Variants in MICU1 observed in about 807,000 individuals in gnomAD.
MICU1 encodes calcium uptake protein 1, mitochondrial.
MICU1 carries 45 observed loss-of-function variants against 56.8 expected under a neutral mutation model. That is an observed-to-expected ratio of 0.79 (90% CI 0.62 to 1.02). The LOEUF is 1.02. Ranked by LOEUF, MICU1 falls within the 50% of genes least tolerant of loss-of-function variation. The pLI, the probability that MICU1 is intolerant of heterozygous loss-of-function variation, is 0.00. For synonymous variants in MICU1, 186 were observed against 195.1 expected (o/e 0.95, Z 0.39); for missense variants, 504 against 587.1 (o/e 0.86, Z 1.46).
At chr10:72,396,425 C>T (rs546971435) in intron 10 of MICU1, among the ~76,000 whole-genome samples, 4 of 151,906 alleles carry the variant, frequency 2.6e-5, no homozygotes, top group East Asian at 1.9e-4. Flanking sequence ...CAAAGCTAGA[C>T]GGAGAATGAC....
intron 5 of MICU1, among the ~76,000 whole-genome samples, chr10:72,512,437 C>A (rs550159819): frequency 6.6e-6 from 1 of 152,218 alleles, no homozygotes; most frequent in African/African-American, 2.4e-5. Flanking sequence ...CCATACTTAA[C>A]TCCCAAATAA....
chr10:72,620,390 T>C (rs762623101), intron 1 of MICU1, among the ~76,000 whole-genome samples: 5 of 152,074 alleles, frequency 3.3e-5, no homozygotes, highest in Non-Finnish European at 7.4e-5. Context: ...TTCACCACGT[T>C]GCCCAGGCTG....
intron 6 of MICU1, among the ~76,000 whole-genome samples, chr10:72,487,743 A>G (rs1018970256): frequency 2.0e-5 from 3 of 152,190 alleles, no homozygotes; most frequent in African/African-American, 7.2e-5. Flanking sequence ...TACCACAACA[A>G]TGTCCTGCTT....
At chr10:72,595,082 T>G (rs1319793252) in intron 1 of MICU1, among the ~76,000 whole-genome samples, 1 of 152,010 alleles carries the variant, frequency 6.6e-6, no homozygotes, top group Non-Finnish European at 1.5e-5. Flanking sequence ...AGAAACGAGC[T>G]GAAATTCCGT....
At chr10:72,501,081 A>C (rs1168318219) in intron 6 of MICU1, among the ~76,000 whole-genome samples, 2 of 152,180 alleles carry the variant, frequency 1.3e-5, no homozygotes, top group Non-Finnish European at 2.9e-5. Flanking sequence ...CATCTTGCCT[A>C]GAATGAATCT....
chr10:72,377,159 C>T (rs1442612837), intron 10 of MICU1, among the ~76,000 whole-genome samples: 6 of 151,832 alleles, frequency 4.0e-5, no homozygotes, highest in South Asian at 4.2e-4. Flanking sequence ...TTACTCTGTC[C>T]GCCAGACTGG....
intron 4 of MICU1, among the ~76,000 whole-genome samples, chr10:72,541,723 A>G (rs1839777392): frequency 6.6e-6 from 1 of 152,176 alleles, no homozygotes; most frequent in African/African-American, 2.4e-5. Context: ...CTGGCCTTGC[A>G]TTAATTAAAC....
At chr10:72,553,613 T>C (rs1840090876) in intron 3 of MICU1, among the ~76,000 whole-genome samples, 1 of 152,172 alleles carries the variant, frequency 6.6e-6, no homozygotes, top group Non-Finnish European at 1.5e-5. Context: ...TTCGGAATGT[T>C]TGGGGTATAT....
intron 3 of MICU1, among the ~76,000 whole-genome samples, chr10:72,551,991 T>G (rs1382989962): frequency 2.0e-5 from 3 of 152,266 alleles, no homozygotes; most frequent in African/African-American, 7.2e-5. Flanking sequence ...TCTATGTAAT[T>G]TCCTAATTCC....
At chr10:72,549,812 T>C (rs1249923020) in intron 4 of MICU1, among the ~76,000 whole-genome samples, 1 of 151,274 alleles carries the variant, frequency 6.6e-6, no homozygotes, top group Non-Finnish European at 1.5e-5. Context: ...ATGCCTGTAA[T>C]GCCAGCTACT....
chr10:72,470,284 GAC>G (rs1865911926), intron 8 of MICU1, among the ~76,000 whole-genome samples: 1 of 152,184 alleles, frequency 6.6e-6, no homozygotes, highest in Non-Finnish European at 1.5e-5. Context: ...TAGTTGGGAA[GAC>G]ACAGTACTGA....
intron 9 of MICU1, among the ~76,000 whole-genome samples, chr10:72,421,258 C>T (rs1296907916): frequency 1.3e-5 from 2 of 151,108 alleles, no homozygotes; most frequent in African/African-American, 4.9e-5. Flanking sequence ...TTCTTTTTTT[C>T]TTTATCTTTT....
rs3793927 is a variant in MICU1, at chr10:72,508,273, T to C, written c.538-4A>G. On this transcript the variant is annotated splice_polypyrimidine_tract_variant and splice_region_variant and intron_variant, in intron 5 of 11. Coordinates refer to ENST00000361114, the MANE Select transcript of MICU1 (RefSeq NM_001195518.2). ...TTTCTCGTTCCTGGGAAATTTTCTA[T>C]AGAATGTATGGGTCCCACCAAAAGA... is the stretch of plus-strand genomic sequence containing the variant. The C allele has an allele frequency of 0.61, 876,989 of 1,447,310 alleles. 286,196 individuals carry two copies. Among genetic ancestry groups the C allele is most frequent in the Non-Finnish European group, 0.68 (729,367 of 1,064,808 alleles). The allele number at this position is 1,447,310 out of a possible 1,614,324, so 89.7% of individuals were successfully genotyped here.
Position 72,569,437 on chromosome 10 carries a change from G to A in MICU1, c.-1-2643C>T, listed in dbSNP as rs550870737. On this transcript the variant is annotated intron_variant, in intron 1 of 11. Transcript: ENST00000361114. ...TTTAATAGAGATGGGGTTTCATCAT[G>A]TTGGTCAGGCTGGTCCCAAACTCCT... 9.3e-5 allele frequency among the ~76,000 whole-genome samples: 14 copies of A among 150,940 alleles called. No individual in the cohort carries two copies. The South Asian group carries it at 1.0e-3, about 11-fold the overall frequency.
chr10:72,622,652 C>A (rs538770945), intron 1 of MICU1, among the ~76,000 whole-genome samples: 1 of 152,320 alleles, frequency 6.6e-6, no homozygotes, highest in South Asian at 2.1e-4. Flanking sequence ...CTTTTCCACA[C>A]TGAATCCCAA....
At chr10:72,543,450 G>A (rs549243498) in intron 4 of MICU1, among the ~76,000 whole-genome samples, 129 of 152,204 alleles carry the variant, frequency 8.5e-4, no homozygotes, top group Non-Finnish European at 1.5e-3. Context: ...CCAGAAAGAG[G>A]ATCACGTGAG....
intron 9 of MICU1, among the ~76,000 whole-genome samples, chr10:72,409,871 T>C (rs148542386): frequency 6.6e-5 from 10 of 152,204 alleles, no homozygotes; most frequent in African/African-American, 1.9e-4. Flanking sequence ...CCACAGAACC[T>C]TCATTTAGGT....
At chr10:72,416,299 T>C (rs574575214) in intron 9 of MICU1, among the ~76,000 whole-genome samples, 1 of 152,308 alleles carries the variant, frequency 6.6e-6, no homozygotes, top group African/African-American at 2.4e-5. Flanking sequence ...TCAAAGCTAA[T>C]TAGTAACAAC....
chr10:72,422,171 G>T (rs1864197342), intron 9 of MICU1, among the ~76,000 whole-genome samples: 1 of 152,104 alleles, frequency 6.6e-6, no homozygotes, highest in Admixed American at 6.6e-5. Context: ...AATCTGCTAG[G>T]ATTAGTGTTC....
Sources: allele counts gnomAD v4.1 joint callset (sites outside exome capture counted in the v4.1 genomes callset), GRCh38; gene constraint gnomAD v4.1.1; transcripts MANE v1.5; gene names NCBI Gene and HGNC (gene_info 2026-07-23, HGNC 2026-07-21).